SLIT2: variants seen among roughly 807,000 people sequenced by gnomAD.
SLIT2 encodes the protein slit guidance ligand 2.
SLIT2 carries 41 observed loss-of-function variants against 185.7 expected under a neutral mutation model. The ratio of observed to expected loss-of-function variants is 0.22; its 90% confidence interval spans 0.17 to 0.29. The LOEUF is 0.29. Among genes scored for constraint, SLIT2 ranks in the 10% least tolerant of loss-of-function variants. The probability of loss-of-function intolerance (pLI) is 1.00; values close to 1 mark genes in which losing one functional copy is unlikely to be tolerated. For synonymous variants in SLIT2, 693 were observed against 680.2 expected, an observed-to-expected ratio of 1.02 and a Z score of -0.29; for missense variants, 1,571 against 1,909.0, an observed-to-expected ratio of 0.82 and a Z score of 3.30.
intron 5 of SLIT2, among the ~76,000 whole-genome samples, chr4:20,470,545 T>G (rs1714880377): frequency 7.2e-6 from 1 of 138,894 alleles, no homozygotes; most frequent in East Asian, 2.2e-4. Context: ...ATGTAAGGGA[T>G]GGAATGTGCC....
chr4:20,566,138 A>C (rs1041245037), intron 26 of SLIT2, among the ~76,000 whole-genome samples: 18 of 152,090 alleles, frequency 1.2e-4, no homozygotes, highest in Admixed American at 3.3e-4. Context: ...AGGTTAGAGC[A>C]GTAACGGTGG....
At chr4:20,483,622 C>T (rs1403181841) in intron 6 of SLIT2, among the ~76,000 whole-genome samples, 1 of 152,010 alleles carries the variant, frequency 6.6e-6, no homozygotes, top group Non-Finnish European at 1.5e-5. Context: ...AAATACCAAA[C>T]TCTGCCAAAC....
chr4:20,545,286 T>C (rs1723148482), intron 21 of SLIT2, among the ~76,000 whole-genome samples: 1 of 151,984 alleles, frequency 6.6e-6, no homozygotes, highest in Non-Finnish European at 1.5e-5. Context: ...AAAAACAGCC[T>C]TGGAAGGAGA....
intron 1 of SLIT2, among the ~76,000 whole-genome samples, chr4:20,255,627 A>G (rs187891502): frequency 2.6e-5 from 4 of 152,250 alleles, no homozygotes; most frequent in Admixed American, 1.3e-4. Context: ...TTTAAAGTTT[A>G]AGCACGAACA....
chr4:20,454,232 G>A (rs1189707985), intron 4 of SLIT2, among the ~76,000 whole-genome samples: 1 of 152,036 alleles, frequency 6.6e-6, no homozygotes, highest in Non-Finnish European at 1.5e-5. Flanking sequence ...ACTGTACTAC[G>A]TATAACTAGT....
At chr4:20,374,601 T>A (rs989774844) in intron 4 of SLIT2, among the ~76,000 whole-genome samples, 7 of 152,004 alleles carry the variant, frequency 4.6e-5, no homozygotes, top group Non-Finnish European at 1.0e-4. Context: ...TTTCTTCTTA[T>A]CCCTTCTCCC....
intron 4 of SLIT2, among the ~76,000 whole-genome samples, chr4:20,433,908 A>G (rs1012696672): frequency 1.3e-5 from 2 of 152,100 alleles, no homozygotes; most frequent in African/African-American, 4.8e-5. Flanking sequence ...ACCCCCCCAA[A>G]TCTTTCTATT....
intron 4 of SLIT2, among the ~76,000 whole-genome samples, chr4:20,394,080 A>G (rs893966331): frequency 4.6e-5 from 7 of 152,140 alleles, no homozygotes; most frequent in East Asian, 1.9e-4. Context: ...ATCACACAGT[A>G]AAAGAATATT....
intron 4 of SLIT2, among the ~76,000 whole-genome samples, chr4:20,446,423 A>G (rs895290647): frequency 1.3e-5 from 2 of 152,226 alleles, no homozygotes; most frequent in African/African-American, 4.8e-5. Flanking sequence ...GATGATGTAG[A>G]AAAAAGAGAG....
At chr4:20,479,123 G>A (rs1409321934) in intron 5 of SLIT2, among the ~76,000 whole-genome samples, 2 of 152,148 alleles carry the variant, frequency 1.3e-5, no homozygotes, top group Non-Finnish European at 2.9e-5. Context: ...GTGCACCTTT[G>A]TTAATAGTGC....
At chr4:20,463,032 T>C (rs2322556) in intron 4 of SLIT2, among the ~76,000 whole-genome samples, 5,033 of 152,092 alleles carry the variant, frequency 0.033, 84 homozygotes, top group South Asian at 0.048. Context: ...CACCTAACAA[T>C]CCTATGAAAT....
rs954658384 is a variant in SLIT2 at position 20,252,294 on chromosome 4, G to T, written c.-1522G>T. Reference sequence around the variant, plus strand: ...TCCTATTGTTTAGACACTTGCCAGGGGCTCCGGAGTCGGCAGAGCCACCGA... The same window carrying T: ...TCCTATTGTTTAGACACTTGCCAGGTGCTCCGGAGTCGGCAGAGCCACCGA... On this transcript the variant is annotated 5_prime_UTR_variant, in exon 1 of 37. Coordinates refer to ENST00000504154, the MANE Select transcript of SLIT2 (RefSeq NM_004787.4). 4.3e-4 allele frequency among the ~76,000 whole-genome samples: 66 copies of T among 152,182 alleles called. No individual in the cohort carries two copies. The highest frequency in any genetic ancestry group is 7.5e-4 in the Non-Finnish European group (51 of 68,030).
chr4:20,390,417 G>GA (rs951575766), intron 4 of SLIT2, among the ~76,000 whole-genome samples: 5 of 152,058 alleles, frequency 3.3e-5, no homozygotes, highest in Admixed American at 6.6e-5. Flanking sequence ...TGGATGATAG[G>GA]AAAAATAATA....
intron 11 of SLIT2, among the ~76,000 whole-genome samples, chr4:20,514,872 A>T (rs1173547601): frequency 6.7e-6 from 1 of 149,184 alleles, no homozygotes; most frequent in East Asian, 2.2e-4. Context: ...AACAAAACAA[A>T]AAACATTCAT....
chr4:20,488,543 T>C (rs189912408), intron 7 of SLIT2, among the ~76,000 whole-genome samples: 3 of 152,154 alleles, frequency 2.0e-5, no homozygotes, highest in African/African-American at 7.2e-5. Context: ...ATTGGACTTA[T>C]TTTTTTCTCT....
chr4:20,321,083 C>A (rs566856088), intron 4 of SLIT2, among the ~76,000 whole-genome samples: 1 of 152,062 alleles, frequency 6.6e-6, no homozygotes, highest in African/African-American at 2.4e-5. Flanking sequence ...GACTAGATTG[C>A]GCCACTGCAC....
intron 9 of SLIT2, among the ~76,000 whole-genome samples, chr4:20,506,201 G>C (rs976458483): frequency 6.6e-6 from 1 of 151,950 alleles, no homozygotes; most frequent in African/African-American, 2.4e-5. Flanking sequence ...CTTTCTTGTA[G>C]TATGTGATTT....
At chr4:20,534,256 G>A (rs909921986) in intron 18 of SLIT2, among the ~76,000 whole-genome samples, 1 of 152,068 alleles carries the variant, frequency 6.6e-6, no homozygotes, top group African/African-American at 2.4e-5. Context: ...ACTGTTTTTT[G>A]CCCCTGCAAG....
intron 4 of SLIT2, among the ~76,000 whole-genome samples, chr4:20,442,768 G>A (rs1729869380): frequency 6.6e-6 from 1 of 152,056 alleles, no homozygotes; most frequent in South Asian, 2.1e-4. Context: ...AGACTGGGAG[G>A]CCTTGCTCTA....
Sources: allele counts gnomAD v4.1 joint callset (sites outside exome capture counted in the v4.1 genomes callset), GRCh38; gene constraint gnomAD v4.1.1; transcripts MANE v1.5; gene names NCBI Gene and HGNC (gene_info 2026-07-23, HGNC 2026-07-21).